Variants in OSBPL9 observed in about 807,000 individuals in gnomAD.
OSBPL9 encodes oxysterol binding protein like 9.
In OSBPL9, 40 loss-of-function variants were observed where a neutral mutation model predicts 106.6. That is an observed-to-expected ratio of 0.38 (90% CI 0.29 to 0.49). OSBPL9 has a LOEUF of 0.49. Among genes scored for constraint, OSBPL9 ranks in the 20% least tolerant of loss-of-function variants. OSBPL9 has a pLI of 0.97. For synonymous variants in OSBPL9, 269 were observed against 295.4 expected (o/e 0.91, Z 0.92); for missense variants, 609 against 887.2 (o/e 0.69, Z 3.98).
chr1:51,573,000 TGAG>T (rs1449818368), upstream of OSBPL9, among the ~76,000 whole-genome samples: 5 of 152,012 alleles, frequency 3.3e-5, no homozygotes, highest in African/African-American at 4.8e-5. Flanking sequence ...TCACCTGAGA[TGAG>T]GAGTTTGAGA....
rs1258543634 is a variant in OSBPL9 at position 51,617,121 on chromosome 1, T to C, written c.11T>C (p.Ile4Thr). 6.5e-7 allele frequency: 1 copy of C among 1,545,178 alleles called. No homozygotes were observed. Among genetic ancestry groups the C allele is most frequent in the Non-Finnish European group, 8.8e-7 (1 of 1,135,996 alleles). The change falls in exon 1 of 24, where the codon ATC (isoleucine) becomes ACC (threonine). Residue 4 changes from isoleucine (I) to threonine (T), a missense_variant. Around this residue, in one of 5 missense-constraint regions of OSBPL9, gnomAD observed 30 missense variants for 21.8 expected, o/e 1.37. Transcript: ENST00000428468. MAS[I>T]MEGPLSKWTN... ...TTGGCGGCTCCCAAGATGGCGTCCA[T>C]CATGGAAGGGCCGCTGAGCAAATGG...
chr1:51,573,240 G>T (rs1645162354), upstream of OSBPL9, among the ~76,000 whole-genome samples: 1 of 151,354 alleles, frequency 6.6e-6, no homozygotes, highest in African/African-American at 2.4e-5. Context: ...CGGGTGCAGT[G>T]GCTCACACCT....
chr1:51,543,478 C>T, the OSBPL9 span, among the ~76,000 whole-genome samples: 1 of 152,172 alleles, frequency 6.6e-6, no homozygotes. Context: ...TCACTGCAAC[C>T]TTCACCTCCT....
At position 51,786,027 on chromosome 1, in the gene OSBPL9, A is replaced by G. The variant is rs1231952886; in HGVS notation, c.1908+141A>G. The G allele has an allele frequency of 4.4e-5, 31 of 703,394 alleles. No individual in the cohort carries two copies. In the Admixed American group the frequency reaches 9.3e-4, roughly 21 times the overall value. The allele number at this position is 703,394 out of a possible 1,614,324, so 43.6% of individuals were successfully genotyped here. The stretch of plus-strand genomic sequence containing the variant: ...AGAGCTGGAACTTTAGGACAGCTCC[A>G]GTGTATGTCATCTCTTCAGGGCAAG... On this transcript the variant is annotated intron_variant, in intron 21 of 23. Coordinates refer to ENST00000428468, the MANE Select transcript of OSBPL9 (RefSeq NM_024586.6).
At chr1:51,609,249 T>G (rs1418340852) in intron 2 of OSBPL9, among the ~76,000 whole-genome samples, 2 of 152,110 alleles carry the variant, frequency 1.3e-5, no homozygotes, top group African/African-American at 4.8e-5. Context: ...TTCTTTAAAT[T>G]TTGCTGTCCT....
intron 8 of OSBPL9, chr1:51,752,602 A>C (rs1262105709): frequency 2.2e-6 from 1 of 453,730 alleles, no homozygotes; most frequent in South Asian, 1.6e-5. Flanking sequence ...TAAAGAACAG[A>C]AGTTTATTTT....
At chr1:51,653,239 G>A (rs1446942816) in intron 2 of OSBPL9, among the ~76,000 whole-genome samples, 2 of 150,468 alleles carry the variant, frequency 1.3e-5, no homozygotes. Flanking sequence ...TCTTTTGTCT[G>A]TTTGGTGTAA....
chr1:51,519,516 A>G, the OSBPL9 span, among the ~76,000 whole-genome samples: 1 of 151,952 alleles, frequency 6.6e-6, no homozygotes, highest in African/African-American at 2.4e-5. Context: ...GCGCGGACAT[A>G]AAATTAAAGC....
chr1:51,628,733 G>A (rs1644927610), intron 1 of OSBPL9, among the ~76,000 whole-genome samples: 1 of 143,948 alleles, frequency 6.9e-6, no homozygotes, highest in Non-Finnish European at 1.5e-5. Context: ...GCCCAGGCTG[G>A]AGTGCAGTGG....
intron 2 of OSBPL9, among the ~76,000 whole-genome samples, chr1:51,609,456 AT>A (rs1643970318): frequency 6.8e-6 from 1 of 146,612 alleles, no homozygotes; most frequent in Non-Finnish European, 1.5e-5. Context: ...AGCTCCTCCA[AT>A]TTCAGCTTCC....
At chr1:51,762,090 A>T in intron 11 of OSBPL9, 119 bp downstream of exon 11, 1 of 685,880 alleles carries the variant, frequency 1.5e-6, no homozygotes, top group Non-Finnish European at 2.6e-6. Context: ...TCTGTTGGAG[A>T]TATGTTAGTT....
chr1:51,692,807 G>A (rs975444064), intron 3 of OSBPL9, among the ~76,000 whole-genome samples: 1 of 151,702 alleles, frequency 6.6e-6, no homozygotes, highest in Non-Finnish European at 1.5e-5. Flanking sequence ...GATTACAGGA[G>A]TGAGCCACTG....
chr1:51,623,890 A>G (rs573505986), intron 1 of OSBPL9, among the ~76,000 whole-genome samples: 2 of 152,018 alleles, frequency 1.3e-5, no homozygotes, highest in Admixed American at 6.6e-5. Context: ...TCTTGAATAT[A>G]TCAAATATGA....
At chr1:51,692,641 C>T (rs1173227904) in intron 3 of OSBPL9, among the ~76,000 whole-genome samples, 1 of 150,136 alleles carries the variant, frequency 6.7e-6, no homozygotes, top group East Asian at 1.9e-4. Flanking sequence ...CTTCCTTGCC[C>T]TCCCTCCCTC....
rs201440855 is a variant in OSBPL9 at position 51,671,405 on chromosome 1, G to GT, written c.241+1902dup. ...GCTGAAGTTTTTATTGAATACACCA[G>GT]TTTTTTTTTAAGCAAATGAAATATC... On this transcript the variant is annotated intron_variant, in intron 3 of 23. Transcript: ENST00000428468. Among the ~76,000 whole-genome samples, 219 of 151,354 alleles carry GT rather than the reference G, an allele frequency of 1.4e-3. 1 individual carries two copies. Among genetic ancestry groups the GT allele is most frequent in the African/African-American group, 5.0e-3 (205 of 41,320 alleles).
upstream of OSBPL9, among the ~76,000 whole-genome samples, chr1:51,577,006 G>A (rs1283358983): frequency 6.6e-6 from 1 of 152,154 alleles, no homozygotes; most frequent in African/African-American, 2.4e-5. Context: ...GGATCGTGGG[G>A]AGAATCCTTC....
upstream of OSBPL9, among the ~76,000 whole-genome samples, chr1:51,614,853 C>G (rs549170904): frequency 9.9e-5 from 15 of 152,268 alleles, no homozygotes; most frequent in African/African-American, 3.1e-4. Flanking sequence ...AGTTAGCAAA[C>G]TTGCCTAAGG....
At chr1:51,535,214 C>T in the OSBPL9 span, among the ~76,000 whole-genome samples, 1 of 152,184 alleles carries the variant, frequency 6.6e-6, no homozygotes, top group African/African-American at 2.4e-5. Context: ...GCCCAAATGT[C>T]TTTTCCTGGT....
At chr1:51,649,540 C>T (rs745913716) in intron 1 of OSBPL9, among the ~76,000 whole-genome samples, 4 of 152,116 alleles carry the variant, frequency 2.6e-5, no homozygotes, top group Admixed American at 1.3e-4. Context: ...CTTGGAATGG[C>T]CTTTCCCCCA....
Sources: gnomAD v4.1 joint callset for allele counts (sites outside exome capture counted in the v4.1 genomes callset) on GRCh38, gnomAD v4.1.1 for gene constraint, gnomAD v4.1.1 regional missense constraint, MANE v1.5 for transcripts, NCBI Gene and HGNC (gene_info 2026-07-23, HGNC 2026-07-21) for gene names.